Variants in DNTT observed in about 807,000 individuals in gnomAD.
The protein encoded by DNTT is nucleosidetriphosphate:DNA deoxynucleotidylexotransferase.
Under a neutral mutation model 60.9 loss-of-function variants are expected in DNTT, and 47 were observed. That is an observed-to-expected ratio of 0.77 (90% CI 0.61 to 0.98). The LOEUF (loss-of-function observed/expected upper bound fraction) is 0.98. Ranked by LOEUF, DNTT falls within the 50% of genes least tolerant of loss-of-function variation. The probability of loss-of-function intolerance (pLI) is 0.00; values close to 1 mark genes in which losing one functional copy is unlikely to be tolerated. For missense variants in DNTT, 665 were observed against 627.5 expected (o/e 1.06, Z -0.64); for synonymous variants, 224 against 221.2 (o/e 1.01, Z -0.11).
rs769845607 is a variant in DNTT at position 96,304,506 on chromosome 10, A to G, written c.9A>G (p.Pro3=). The part of the protein sequence containing the change: MD[P]PRASHLSPRK... The stretch of plus-strand genomic sequence containing the variant: ...AGCAGCAGCCTCTTCCCATGGATCC[A>G]CCACGAGCGTCCCACTTGAGCCCTC... The change falls in exon 1 of 11, where the codon CCA becomes CCG. Residue 3 remains proline (P), a synonymous_variant. Coordinates refer to ENST00000371174, the MANE Select transcript of DNTT (RefSeq NM_004088.4). 1 of 1,613,642 alleles carries G rather than the reference A, an allele frequency of 6.2e-7. No homozygotes were observed. The highest frequency in any genetic ancestry group is 8.5e-7 in the Non-Finnish European group (1 of 1,179,982).
chr10:96,306,894 A>G (rs191361227), intron 1 of DNTT, among the ~76,000 whole-genome samples: 1 of 152,376 alleles, frequency 6.6e-6, no homozygotes, highest in East Asian at 1.9e-4. Context: ...ATAGATATAT[A>G]GACTTTAATT....
chr10:96,305,468 A>G (rs1844622578), intron 1 of DNTT, among the ~76,000 whole-genome samples: 1 of 152,206 alleles, frequency 6.6e-6, no homozygotes, highest in South Asian at 2.1e-4. Flanking sequence ...AAATAGATGA[A>G]GAGAAAACAA....
At chr10:96,328,956 A>G in intron 8 of DNTT, 126 bp downstream of exon 8, 1 of 925,542 alleles carries the variant, frequency 1.1e-6, no homozygotes, top group Non-Finnish European at 1.6e-6. Context: ...GTGGCAGCTT[A>G]TACAAAGCCA....
chr10:96,335,051 C>G (rs777370272), intron 9 of DNTT, among the ~76,000 whole-genome samples: 2 of 152,202 alleles, frequency 1.3e-5, no homozygotes, highest in Non-Finnish European at 2.9e-5. Flanking sequence ...TCAACCATCC[C>G]GGGTGAGCTT....
Position 96,307,734 on chromosome 10 carries a change from A to ATATATAT in DNTT, c.203+3034_203+3035insTATATAT, listed in dbSNP as rs1564868534. On this transcript the variant is annotated intron_variant, in intron 1 of 10. Transcript: ENST00000371174. ...ATATATATATATATATATATATATA[A>ATATATAT]GCATATATATGTGTGTGTGTGTGCA... Among the ~76,000 whole-genome samples the ATATATAT allele has an allele frequency of 7.9e-3, 574 of 72,414 alleles. 4 individuals are homozygous for ATATATAT. The highest frequency in any genetic ancestry group is 0.018 in the South Asian group (36 of 2,044). 47.5% of individuals were successfully genotyped at this position (72,414 alleles called of 152,430 possible). A position where few individuals can be genotyped will look rare whatever the true frequency, so the allele number is the denominator to read the frequency against.
At chr10:96,319,881 T>C (rs1408444448) in intron 3 of DNTT, among the ~76,000 whole-genome samples, 2 of 152,196 alleles carry the variant, frequency 1.3e-5, no homozygotes, top group African/African-American at 4.8e-5. Context: ...AAAAAGAAAT[T>C]GGATGGATCA....
chr10:96,326,560 G>A (rs1481917624), intron 6 of DNTT, among the ~76,000 whole-genome samples: 2 of 152,110 alleles, frequency 1.3e-5, no homozygotes, highest in Non-Finnish European at 2.9e-5. Context: ...GAGAAACAAG[G>A]ACCAATAGAT....
At position 96,304,539 on chromosome 10, in the gene DNTT, G is replaced by A. The variant is rs751858039; in HGVS notation, c.42G>A (p.Lys14=). The change falls in exon 1 of 11, where the codon AAG becomes AAA. Residue 14 remains lysine, a synonymous_variant. Coordinates refer to ENST00000371174, the MANE Select transcript of DNTT (RefSeq NM_004088.4). ...CGTCCCACTTGAGCCCTCGGAAGAA[G>A]AGACCCCGGCAGACGGGTGCCTTGA... ...PRASHLSPRK[K]RPRQTGALMA... 1.3e-5 allele frequency: 21 copies of A among 1,614,000 alleles called. No individual in the cohort carries two copies. Among genetic ancestry groups the A allele is most frequent in the Admixed American group, 6.7e-5 (4 of 60,010 alleles).
Position 96,315,946 on chromosome 10 carries a change from T to C in DNTT, c.204-2406T>C, listed in dbSNP as rs377576628. On this transcript the variant is annotated intron_variant, in intron 1 of 10. Transcript: ENST00000371174. ...CCATCTTCCTTTAATTCTTGTAGAATGTTGCTTTGCCATGACTTATTTCTG... is the reference window on the plus strand; with the variant it reads ...CCATCTTCCTTTAATTCTTGTAGAACGTTGCTTTGCCATGACTTATTTCTG... Among the ~76,000 whole-genome samples the C allele has an allele frequency of 4.9e-4, 75 of 152,276 alleles. 1 individual carries two copies. The highest frequency in any genetic ancestry group is 1.8e-3 in the African/African-American group (73 of 41,546).
intron 3 of DNTT, among the ~76,000 whole-genome samples, chr10:96,319,924 A>T (rs1844845771): frequency 1.3e-5 from 2 of 152,216 alleles, no homozygotes; most frequent in African/African-American, 4.8e-5. Flanking sequence ...TCAGATTGGT[A>T]ATTGTGTTTT....
At chr10:96,319,821 T>G (rs1844843956) in intron 3 of DNTT, among the ~76,000 whole-genome samples, 1 of 152,188 alleles carries the variant, frequency 6.6e-6, no homozygotes, top group Admixed American at 6.5e-5. Flanking sequence ...TGATATTCAC[T>G]AGTTTGGGCA....
rs869059822 is a variant in DNTT at position 96,314,402 on chromosome 10, C to CTTTTTTTTTTTTTTTTTTTTTTTTTTT, written c.204-3948_204-3922dup. Among the ~76,000 whole-genome samples the CTTTTTTTTTTTTTTTTTTTTTTTTTTT allele has an allele frequency of 3.6e-4, 19 of 53,218 alleles. 5 individuals are homozygous for CTTTTTTTTTTTTTTTTTTTTTTTTTTT. The highest frequency in any genetic ancestry group is 5.9e-4 in the Non-Finnish European group (15 of 25,334). The allele number at this position is 53,218 out of a possible 152,430, so 34.9% of individuals were successfully genotyped here. On this transcript the variant is annotated intron_variant, in intron 1 of 10. Coordinates refer to ENST00000371174, the MANE Select transcript of DNTT (RefSeq NM_004088.4). Reference sequence around the variant, plus strand: ...TAACATTTCCAAGGCTATCTCTTCCCTTTTTTTTTTTTTTTTTTTTTTTTT... The same window carrying CTTTTTTTTTTTTTTTTTTTTTTTTTTT: ...TAACATTTCCAAGGCTATCTCTTCCCTTTTTTTTTTTTTTTTTTTTTTTTTTTTTTTTTTTTTTTTTTTTTTTTTTTT...
intron 6 of DNTT, 150 bp downstream of exon 6, chr10:96,324,539 A>G (rs1844918645): frequency 7.7e-7 from 1 of 1,290,926 alleles, no homozygotes; most frequent in African/African-American, 1.5e-5. Flanking sequence ...TAGCTCCAGC[A>G]GTTTCCAGCT....
intron 4 of DNTT, among the ~76,000 whole-genome samples, chr10:96,321,003 C>CAT (rs764844418): frequency 7.2e-5 from 11 of 151,920 alleles, no homozygotes; most frequent in Non-Finnish European, 1.0e-4. Flanking sequence ...CACACATACA[C>CAT]ATATATATAT....
intron 5 of DNTT, among the ~76,000 whole-genome samples, chr10:96,323,006 C>T (rs1248496452): frequency 6.6e-6 from 1 of 152,200 alleles, no homozygotes; most frequent in African/African-American, 2.4e-5. Flanking sequence ...TTTCTGGTGT[C>T]ACAAAGACAC....
At chr10:96,310,831 T>G (rs1433040097) in intron 1 of DNTT, among the ~76,000 whole-genome samples, 1 of 152,224 alleles carries the variant, frequency 6.6e-6, no homozygotes, top group African/African-American at 2.4e-5. Flanking sequence ...GAGTAATTTT[T>G]GTAATGAATT....
At chr10:96,307,534 T>C (rs1053404491) in intron 1 of DNTT, among the ~76,000 whole-genome samples, 1 of 150,194 alleles carries the variant, frequency 6.7e-6, no homozygotes, top group Non-Finnish European at 1.5e-5. Flanking sequence ...TTTTTTATTT[T>C]TAATAGAGTT....
Position 96,328,766 on chromosome 10 carries a change from G to A in DNTT, c.1049G>A (p.Ser350Asn). The change falls in exon 8 of 11, where the codon AGC (serine) becomes AAC (asparagine). Residue 350 changes from serine (S) to asparagine (N), a missense_variant. Transcript: ENST00000371174. ...MGHDVDFLIT[S>N]PGSTEDEEQL... ...CATGATGTAGATTTTTTAATTACCA[G>A]CCCAGGATCAACAGAGGATGAAGAG... 1 of 1,613,876 alleles carries A rather than the reference G, an allele frequency of 6.2e-7. No individual in the cohort carries two copies. The highest frequency in any genetic ancestry group is 8.5e-7 in the Non-Finnish European group (1 of 1,179,902).
At chr10:96,312,858 A>G (rs551504326) in intron 1 of DNTT, among the ~76,000 whole-genome samples, 1 of 152,268 alleles carries the variant, frequency 6.6e-6, no homozygotes, top group South Asian at 2.1e-4. Context: ...GGTAGACACT[A>G]GAGTTTGAGA....
Sources: gnomAD v4.1 joint callset for allele counts (sites outside exome capture counted in the v4.1 genomes callset) on GRCh38, gnomAD v4.1.1 for gene constraint, MANE v1.5 for transcripts, NCBI Gene and HGNC (gene_info 2026-07-23, HGNC 2026-07-21) for gene names.